The following GALNT17 variants were observed in gnomAD, a reference collection of about 807,000 sequenced individuals.
GALNT17 encodes UDP-GalNAc:polypeptide N-acetylgalactosaminyltransferase-like 3.
GALNT17 carries 29 observed loss-of-function variants against 63.7 expected under a neutral mutation model. The observed-to-expected ratio is 0.46, with a 90% CI of 0.34 to 0.62. The LOEUF is 0.62. GALNT17 is among the 20% of genes least tolerant of loss of function. The pLI is 0.01. For missense variants in GALNT17, 603 were observed against 799.6 expected (o/e 0.75, Z 2.97); for synonymous variants, 305 against 318.3 (o/e 0.96, Z 0.45).
intron 6 of GALNT17, among the ~76,000 whole-genome samples, chr7:71,590,209 A>T (rs1010746180): frequency 6.6e-6 from 1 of 152,192 alleles, no homozygotes; most frequent in African/African-American, 2.4e-5. Flanking sequence ...ATTTTTATAA[A>T]TGATGTCTAA....
chr7:71,183,766 C>T (rs949209942), intron 1 of GALNT17, among the ~76,000 whole-genome samples: 3 of 152,134 alleles, frequency 2.0e-5, no homozygotes, highest in South Asian at 2.1e-4. Flanking sequence ...GGCGTGATGG[C>T]GGGTGCCTGT....
chr7:71,531,812 A>G (rs187627070), intron 5 of GALNT17, among the ~76,000 whole-genome samples: 1 of 152,320 alleles, frequency 6.6e-6, no homozygotes, highest in African/African-American at 2.4e-5. Flanking sequence ...ACAGAAGCCA[A>G]GCTAGGCATT....
intron 1 of GALNT17, among the ~76,000 whole-genome samples, chr7:71,321,785 G>A (rs1259316160): frequency 1.3e-5 from 2 of 150,558 alleles, no homozygotes; most frequent in Non-Finnish European, 3.0e-5. Context: ...GCCCACCTTG[G>A]CCCCCCAAAA....
intron 1 of GALNT17, among the ~76,000 whole-genome samples, chr7:71,263,573 G>C (rs1172310831): frequency 6.6e-6 from 1 of 152,160 alleles, no homozygotes; most frequent in Non-Finnish European, 1.5e-5. Context: ...CCTTGCCTCT[G>C]AAAGAGTGGG....
chr7:71,367,353 G>A (rs1303894817), intron 2 of GALNT17, among the ~76,000 whole-genome samples: 2 of 152,240 alleles, frequency 1.3e-5, no homozygotes, highest in Non-Finnish European at 2.9e-5. Flanking sequence ...AATCCCAAGC[G>A]CTGGCCATGG....
intron 1 of GALNT17, among the ~76,000 whole-genome samples, chr7:71,266,636 A>G (rs1373516727): frequency 6.6e-6 from 1 of 152,148 alleles, no homozygotes; most frequent in Non-Finnish European, 1.5e-5. Context: ...GCAAAGCCCC[A>G]TTTGCCATAT....
chr7:71,283,857 A>T (rs918925281), intron 1 of GALNT17: 3 of 152,110 alleles, frequency 2.0e-5, no homozygotes, highest in African/African-American at 7.2e-5. Flanking sequence ...TGTCTTACAA[A>T]GGGATTGTAA....
intron 5 of GALNT17, among the ~76,000 whole-genome samples, chr7:71,441,551 G>A (rs1249010979): frequency 6.6e-6 from 1 of 152,002 alleles, no homozygotes; most frequent in Non-Finnish European, 1.5e-5. Flanking sequence ...CATGTGCCAT[G>A]GTGGTTTGCT....
intron 1 of GALNT17, among the ~76,000 whole-genome samples, chr7:71,153,238 A>G (rs1282334549): frequency 6.6e-6 from 1 of 152,230 alleles, no homozygotes; most frequent in African/African-American, 2.4e-5. Context: ...TCATCTGGAA[A>G]ACAGTAGCTA....
At chr7:71,441,544 G>A (rs935264985) in intron 5 of GALNT17, among the ~76,000 whole-genome samples, 3 of 151,958 alleles carry the variant, frequency 2.0e-5, no homozygotes, top group Non-Finnish European at 4.4e-5. Context: ...AGGTATACAT[G>A]TGCCATGGTG....
rs1790022541 is a variant in GALNT17, at chr7:71,242,739, CTT to C, written c.239-92809_239-92808del. 7.2e-5 allele frequency among the ~76,000 whole-genome samples: 11 copies of C among 152,330 alleles called. 1 individual carries two copies. In the South Asian group the frequency reaches 2.3e-3, roughly 32 times the overall value. On this transcript the variant is annotated intron_variant, in intron 1 of 10. Transcript: ENST00000333538. The stretch of plus-strand genomic sequence containing the variant: ...AACTTACAGCCTGGGCCCCTGAGGA[CTT>C]TGCTGTGCAAGACTGCCATCTTCCC...
intron 5 of GALNT17, among the ~76,000 whole-genome samples, chr7:71,476,269 G>C (rs1258461701): frequency 6.6e-6 from 1 of 152,238 alleles, no homozygotes; most frequent in Non-Finnish European, 1.5e-5. Flanking sequence ...GATGTTAGCA[G>C]TGGAAGACCA....
chr7:71,519,497 T>G (rs975449088), intron 5 of GALNT17, among the ~76,000 whole-genome samples: 2 of 152,184 alleles, frequency 1.3e-5, no homozygotes, highest in Non-Finnish European at 1.5e-5. Flanking sequence ...GGAGTCTCAT[T>G]CTGTCACCCA....
At chr7:71,572,947 T>G (rs11773571) in intron 6 of GALNT17, among the ~76,000 whole-genome samples, 1 of 151,938 alleles carries the variant, frequency 6.6e-6, no homozygotes, top group Non-Finnish European at 1.5e-5. Context: ...TACGACCAGA[T>G]TGTGGGATCA....
intron 1 of GALNT17, among the ~76,000 whole-genome samples, chr7:71,206,352 T>A (rs1157200813): frequency 1.3e-5 from 2 of 151,888 alleles, no homozygotes; most frequent in East Asian, 3.9e-4. Context: ...GAATTGACCA[T>A]GTGAGCCACG....
chr7:71,148,767 C>T (rs989349114), intron 1 of GALNT17, among the ~76,000 whole-genome samples: 9 of 147,952 alleles, frequency 6.1e-5, no homozygotes, highest in African/African-American at 1.3e-4. Context: ...TAATTGGTAG[C>T]GTACTTTTTC....
chr7:71,599,963 C>T (rs1389194520), intron 6 of GALNT17, among the ~76,000 whole-genome samples: 1 of 151,760 alleles, frequency 6.6e-6, no homozygotes, highest in African/African-American at 2.4e-5. Context: ...CCATGCCTCA[C>T]CCCCCAGCCA....
At chr7:71,383,805 T>C (rs1792888564) in intron 2 of GALNT17, among the ~76,000 whole-genome samples, 1 of 152,312 alleles carries the variant, frequency 6.6e-6, no homozygotes, top group East Asian at 1.9e-4. Context: ...ATACAGAACC[T>C]GTGGATTAGA....
At chr7:71,514,640 T>C (rs1410606602) in intron 5 of GALNT17, among the ~76,000 whole-genome samples, 1 of 152,228 alleles carries the variant, frequency 6.6e-6, no homozygotes, top group Non-Finnish European at 1.5e-5. Context: ...ATCTAGTTTG[T>C]CTTTCTGAAA....
Sources: allele counts gnomAD v4.1 joint callset (sites outside exome capture counted in the v4.1 genomes callset), GRCh38; gene constraint gnomAD v4.1.1; transcripts MANE v1.5; gene names NCBI Gene and HGNC (gene_info 2026-07-23, HGNC 2026-07-21).